Variants in AAMDC observed in about 807,000 individuals in gnomAD.
The protein encoded by AAMDC is mth938 domain-containing protein.
AAMDC carries 16 observed loss-of-function variants against 15.5 expected under a neutral mutation model. The observed-to-expected ratio is 1.03, with a 90% CI of 0.70 to 1.57. AAMDC has a LOEUF of 1.57. Among genes scored for constraint, AAMDC ranks in the 40% most tolerant of loss-of-function variants. The pLI is 0.00. For missense variants in AAMDC, 141 were observed against 144.9 expected, an observed-to-expected ratio of 0.97 and a Z score of 0.14; for synonymous variants, 51 against 51.6, an observed-to-expected ratio of 0.99 and a Z score of 0.05.
intron 2 of AAMDC, chr11:77,868,962 G>T: frequency 3.6e-6 from 1 of 275,218 alleles, no homozygotes; most frequent in Non-Finnish European, 7.0e-6. Flanking sequence ...TAACTTATTT[G>T]TTTACAACAA....
At chr11:77,854,239 G>A (rs1473118359) in intron 2 of AAMDC, among the ~76,000 whole-genome samples, 9 of 151,922 alleles carry the variant, frequency 5.9e-5, no homozygotes, top group East Asian at 1.9e-4. Context: ...TGATCCACCC[G>A]TCTCAGCCTC....
chr11:77,841,820 A>G (rs989133830), intron 1 of AAMDC, among the ~76,000 whole-genome samples: 9 of 152,224 alleles, frequency 5.9e-5, no homozygotes, highest in Admixed American at 5.2e-4. Context: ...AAAAGGCAAC[A>G]TAAGGCAAGC....
chr11:77,842,747 T>C, intron 2 of AAMDC, 119 bp downstream of exon 2: 2 of 1,377,148 alleles, frequency 1.5e-6, no homozygotes, highest in Non-Finnish European at 2.0e-6. Flanking sequence ...ATATAATTCA[T>C]ATACCATTAA....
downstream of AAMDC, chr11:77,901,273 C>G (rs1350463533): frequency 5.9e-6 from 5 of 852,100 alleles, no homozygotes; most frequent in Admixed American, 6.3e-5. Flanking sequence ...TTTGTAATAT[C>G]TGAAAAAAAT....
At chr11:77,858,269 A>C (rs1590960259) in intron 2 of AAMDC, among the ~76,000 whole-genome samples, 1 of 138,404 alleles carries the variant, frequency 7.2e-6, no homozygotes, top group Non-Finnish European at 1.5e-5. Flanking sequence ...ATCTCGGCTC[A>C]CTACAACCTC....
chr11:77,846,175 T>C (rs991082328), intron 2 of AAMDC, among the ~76,000 whole-genome samples: 2 of 152,228 alleles, frequency 1.3e-5, no homozygotes, highest in African/African-American at 4.8e-5. Flanking sequence ...GGTCTGCTAA[T>C]TTACCTTAGT....
intron 1 of AAMDC, among the ~76,000 whole-genome samples, chr11:77,823,757 A>C (rs1308571444): frequency 1.3e-5 from 2 of 152,150 alleles, no homozygotes; most frequent in Non-Finnish European, 2.9e-5. Context: ...GGATATTTTA[A>C]AATAAAATTG....
At chr11:77,860,061 A>AG (rs1457550947) in intron 2 of AAMDC, among the ~76,000 whole-genome samples, 1 of 152,212 alleles carries the variant, frequency 6.6e-6, no homozygotes, top group Non-Finnish European at 1.5e-5. Flanking sequence ...TTTCTTACTC[A>AG]GGTATGCCAC....
At chr11:77,844,096 GC>G in intron 2 of AAMDC, among the ~76,000 whole-genome samples, 1 of 152,050 alleles carries the variant, frequency 6.6e-6, no homozygotes, top group East Asian at 1.9e-4. Context: ...TGGGGACACA[GC>G]CAAACTGTAT....
At chr11:77,892,217 G>A in intron 5 of AAMDC, among the ~76,000 whole-genome samples, 1 of 152,120 alleles carries the variant, frequency 6.6e-6, no homozygotes, top group East Asian at 1.9e-4. Context: ...GAAACACAGT[G>A]AACGGAAGAG....
At chr11:77,840,433 G>A (rs963764299) in intron 1 of AAMDC, among the ~76,000 whole-genome samples, 1 of 152,144 alleles carries the variant, frequency 6.6e-6, no homozygotes, top group Non-Finnish European at 1.5e-5. Flanking sequence ...GGAGGCTGAG[G>A]CAGGATAATC....
intron 5 of AAMDC, among the ~76,000 whole-genome samples, chr11:77,899,865 T>A (rs1386465841): frequency 2.6e-5 from 4 of 152,048 alleles, no homozygotes; most frequent in African/African-American, 9.7e-5. Context: ...GTTTATATGG[T>A]TTGGGAAAAT....
Position 77,862,302 on chromosome 11 carries a change from G to A in AAMDC, c.133-7420G>A, listed in dbSNP as rs190842898. On this transcript the variant is annotated intron_variant, in intron 2 of 3. Transcript: ENST00000393427. ...TATGATGGCACTTCTCTCATTTGGCGTTAGTGTCTGATTTAGCAGTAACAT... is the reference window on the plus strand; with the variant it reads ...TATGATGGCACTTCTCTCATTTGGCATTAGTGTCTGATTTAGCAGTAACAT... Among the ~76,000 whole-genome samples the A allele has an allele frequency of 8.5e-5, 13 of 152,298 alleles. No individual in the cohort carries two copies. In the East Asian group the frequency reaches 2.3e-3, roughly 27 times the overall value.
At chr11:77,888,815 T>C (rs372139277) in intron 5 of AAMDC, among the ~76,000 whole-genome samples, 2 of 152,040 alleles carry the variant, frequency 1.3e-5, no homozygotes, top group South Asian at 2.1e-4. Context: ...CCAAAAAACA[T>C]ATGAAAAAAT....
At chr11:77,884,517 A>G (rs1228185147) in intron 5 of AAMDC, among the ~76,000 whole-genome samples, 1 of 152,182 alleles carries the variant, frequency 6.6e-6, no homozygotes, top group Non-Finnish European at 1.5e-5. Context: ...CCCTGTGTAG[A>G]CAGCCTACTA....
At chr11:77,840,858 G>C (rs1314502866) in intron 1 of AAMDC, among the ~76,000 whole-genome samples, 3 of 152,178 alleles carry the variant, frequency 2.0e-5, no homozygotes, top group Admixed American at 1.3e-4. Flanking sequence ...TTTTCCCCCT[G>C]AAAGTTGTTC....
downstream of AAMDC, among the ~76,000 whole-genome samples, chr11:77,873,046 G>A (rs530028023): frequency 2.0e-4 from 31 of 152,252 alleles, no homozygotes; most frequent in African/African-American, 6.5e-4. Flanking sequence ...ATTAAATACC[G>A]AGGTGGCCTT....
rs367647665 is a variant in AAMDC, at chr11:77,869,123, C to A, written c.133-599C>A. ...CACATGTACCATGTGGCCAAAGGAA[C>A]AACTCCATATTTTCTAAAAGGCCTA... On this transcript the variant is annotated intron_variant, in intron 2 of 3. Transcript: ENST00000393427. 69 of 262,406 alleles carry A rather than the reference C, an allele frequency of 2.6e-4. No homozygotes were observed. The East Asian group carries it at 5.1e-3, about 19-fold the overall frequency. The allele number at this position is 262,406 out of a possible 1,614,324, so 16.3% of individuals were successfully genotyped here. A position where few individuals can be genotyped will look rare whatever the true frequency, so the allele number is the denominator to read the frequency against.
At position 77,842,545 on chromosome 11, in the gene AAMDC, A is replaced by C; in HGVS notation, c.49A>C (p.Lys17Gln). ...CTTATCATGGGGGCAAATGAAAGTA[A>C]AAGGCTCTAATACAACCTATAAGGA... ...ASLSWGQMKV[K>Q]GSNTTYKDCK... The change falls in exon 2 of 4, where the codon AAA becomes CAA. Residue 17 changes from lysine (K) to glutamine (Q), a missense_variant. Physicochemically the swap from Lys to Gln is moderately conservative, Grantham distance 53. Transcript: ENST00000393427. 1 of 1,614,074 alleles carries C rather than the reference A, an allele frequency of 6.2e-7. No individual in the cohort carries two copies. The highest frequency in any genetic ancestry group is 2.2e-5 in the East Asian group (1 of 44,868).
Sources: allele counts gnomAD v4.1 joint callset (sites outside exome capture counted in the v4.1 genomes callset), GRCh38; gene constraint gnomAD v4.1.1; transcripts MANE v1.5; gene names NCBI Gene and HGNC (gene_info 2026-07-23, HGNC 2026-07-21).